SNTG1: variants seen among roughly 807,000 people sequenced by gnomAD.
The protein encoded by SNTG1 is syntrophin gamma 1, also known as gamma-1-syntrophin.
Under a neutral mutation model 74.7 loss-of-function variants are expected in SNTG1, and 39 were observed. That is an observed-to-expected ratio of 0.52 (90% CI 0.40 to 0.68). The LOEUF (loss-of-function observed/expected upper bound fraction) is 0.68, where lower values mean the gene tolerates loss of function less well. Ranked by LOEUF, SNTG1 falls within the 30% of genes least tolerant of loss-of-function variation. SNTG1 has a pLI of 0.00. For missense variants in SNTG1, 685 were observed against 609.5 expected, an observed-to-expected ratio of 1.12 and a Z score of -1.30; for synonymous variants, 254 against 217.1, an observed-to-expected ratio of 1.17 and a Z score of -1.49.
chr8:50,072,226 C>T (rs1821432416), intron 1 of SNTG1, among the ~76,000 whole-genome samples: 1 of 152,012 alleles, frequency 6.6e-6, no homozygotes, highest in Non-Finnish European at 1.5e-5. Flanking sequence ...ACTGTGATAG[C>T]TAGAGGAAAA....
chr8:50,210,218 T>C (rs1301442570), intron 2 of SNTG1, among the ~76,000 whole-genome samples: 1 of 152,110 alleles, frequency 6.6e-6, no homozygotes, highest in Non-Finnish European at 1.5e-5. Flanking sequence ...CCAAGAAATA[T>C]GGGACTATGT....
intron 2 of SNTG1, among the ~76,000 whole-genome samples, chr8:50,364,451 C>A (rs1473059050): frequency 6.6e-6 from 1 of 152,086 alleles, no homozygotes; most frequent in African/African-American, 2.4e-5. Flanking sequence ...GGCTCTTTTT[C>A]TTTCTTTTTC....
chr8:50,003,782 C>G (rs1443855768), intron 1 of SNTG1, among the ~76,000 whole-genome samples: 1 of 152,076 alleles, frequency 6.6e-6, no homozygotes, highest in Non-Finnish European at 1.5e-5. Flanking sequence ...TGGTCATTTT[C>G]TTTCTGGAAA....
chr8:50,656,556 A>G (rs1190683508), intron 13 of SNTG1, among the ~76,000 whole-genome samples: 1 of 152,170 alleles, frequency 6.6e-6, no homozygotes, highest in Non-Finnish European at 1.5e-5. Flanking sequence ...AATGTCAGTA[A>G]TTGGTAAACA....
chr8:50,016,642 A>C lies in SNTG1; in HGVS notation c.-103+104411A>C, dbSNP rs939468352. 1.3e-4 allele frequency among the ~76,000 whole-genome samples: 20 copies of C among 152,270 alleles called. 1 individual carries two copies. The highest frequency in any genetic ancestry group is 3.4e-3 in the Middle Eastern group (1 of 294). On this transcript the variant is annotated intron_variant, in intron 1 of 18. Coordinates refer to ENST00000642720, the MANE Select transcript of SNTG1 (RefSeq NM_018967.5). ...TGATGCAAGTTGTCTCTCCTGATTT[A>C]TAACCCATTTTGAACTTGAATAAGA...
intron 12 of SNTG1, among the ~76,000 whole-genome samples, chr8:50,568,329 G>C (rs950560361): frequency 1.3e-5 from 2 of 151,090 alleles, no homozygotes; most frequent in African/African-American, 4.9e-5. Context: ...ATATCTCTTG[G>C]ATAAACTGAT....
chr8:49,973,312 A>G (rs1418412296), intron 1 of SNTG1, among the ~76,000 whole-genome samples: 2 of 150,826 alleles, frequency 1.3e-5, no homozygotes, highest in African/African-American at 4.9e-5. Context: ...GAATTGAACA[A>G]TGAGAACACA....
chr8:50,101,991 C>G (rs1341439989), intron 1 of SNTG1, among the ~76,000 whole-genome samples: 1 of 151,600 alleles, frequency 6.6e-6, no homozygotes, highest in Non-Finnish European at 1.5e-5. Context: ...CAAGTCTTTG[C>G]TATTGTGAAT....
At chr8:50,039,101 C>T (rs1315739322) in intron 1 of SNTG1, among the ~76,000 whole-genome samples, 1 of 152,068 alleles carries the variant, frequency 6.6e-6, no homozygotes, top group Non-Finnish European at 1.5e-5. Context: ...TAGGTCCTTG[C>T]ATTTATCTTA....
At chr8:50,030,471 T>C (rs989674034) in intron 1 of SNTG1, among the ~76,000 whole-genome samples, 1 of 152,104 alleles carries the variant, frequency 6.6e-6, no homozygotes, top group Non-Finnish European at 1.5e-5. Context: ...TAATGTATAG[T>C]TGAAAATTTT....
chr8:50,501,646 C>T (rs1464583080), intron 8 of SNTG1, among the ~76,000 whole-genome samples: 16 of 147,810 alleles, frequency 1.1e-4, no homozygotes, highest in South Asian at 4.2e-4. Context: ...TTAGCAGAGA[C>T]GGGGTTTCAC....
At chr8:49,933,388 G>A (rs1288738019) in intron 1 of SNTG1, among the ~76,000 whole-genome samples, 2 of 152,090 alleles carry the variant, frequency 1.3e-5, no homozygotes, top group Non-Finnish European at 2.9e-5. Flanking sequence ...TCACATCTAA[G>A]AAACTATTGC....
rs563978491 is a variant in SNTG1, at chr8:50,774,148, C to T, written c.1396-18523C>T. ...AGTCTCTATAACAGCATAAGTTATA[C>T]TGTCATATATATAAAGGGAATACCA... On this transcript the variant is annotated intron_variant, in intron 18 of 18. Transcript: ENST00000642720. Among the ~76,000 whole-genome samples the T allele has an allele frequency of 4.0e-5, 6 of 151,890 alleles. No individual in the cohort carries two copies. The South Asian group carries it at 1.0e-3, about 26-fold the overall frequency.
intron 2 of SNTG1, among the ~76,000 whole-genome samples, chr8:50,276,374 TATATATATATATATATA>T (rs934613204): frequency 0.06 from 31 of 518 alleles, no homozygotes; most frequent in Admixed American, 0.23. Context: ...AAGTAAATTT[TATATATATATATATATA>T]TATATATATA....
chr8:50,277,376 C>G (rs984983177), intron 2 of SNTG1, among the ~76,000 whole-genome samples: 16 of 151,620 alleles, frequency 1.1e-4, no homozygotes, highest in Admixed American at 9.8e-4. Context: ...CTTTTATACT[C>G]AATTAACTAC....
chr8:50,783,247 A>G (rs964208672), intron 18 of SNTG1, among the ~76,000 whole-genome samples: 1 of 152,186 alleles, frequency 6.6e-6, no homozygotes, highest in African/African-American at 2.4e-5. Flanking sequence ...GGGACATTTA[A>G]GACTGCAGAG....
intron 2 of SNTG1, among the ~76,000 whole-genome samples, chr8:50,278,660 A>C (rs893554686): frequency 7.2e-5 from 11 of 151,888 alleles, no homozygotes; most frequent in African/African-American, 2.4e-4. Flanking sequence ...AGTAATCTCA[A>C]ACATGAACTA....
intron 13 of SNTG1, among the ~76,000 whole-genome samples, chr8:50,633,209 A>C (rs1459307788): frequency 6.6e-6 from 1 of 152,198 alleles, no homozygotes; most frequent in Admixed American, 6.5e-5. Flanking sequence ...TTGAAAAGTA[A>C]GTTCAAAAAC....
intron 1 of SNTG1, among the ~76,000 whole-genome samples, chr8:49,957,725 T>C (rs1020196118): frequency 2.0e-5 from 3 of 152,060 alleles, no homozygotes; most frequent in Admixed American, 6.5e-5. Context: ...TTTTGGAGAG[T>C]TGACCGAAAG....
Sources: allele counts gnomAD v4.1 joint callset (sites outside exome capture counted in the v4.1 genomes callset), GRCh38; gene constraint gnomAD v4.1.1; transcripts MANE v1.5; gene names NCBI Gene and HGNC (gene_info 2026-07-23, HGNC 2026-07-21).